Variants in LPP observed in about 807,000 individuals in gnomAD.
The protein encoded by LPP is lipoma-preferred partner.
LPP carries 38 observed loss-of-function variants against 60.4 expected under a neutral mutation model. The observed-to-expected ratio is 0.63, with a 90% CI of 0.49 to 0.83. The LOEUF is 0.83. Among genes scored for constraint, LPP ranks in the 40% least tolerant of loss-of-function variants. LPP has a pLI of 0.00. For synonymous variants in LPP, 328 were observed against 290.8 expected (o/e 1.13, Z -1.30); for missense variants, 902 against 783.6 (o/e 1.15, Z -1.80).
chr3:188,672,936 A>T (rs2149273721), intron 7 of LPP, among the ~76,000 whole-genome samples: 2 of 152,004 alleles, frequency 1.3e-5, no homozygotes, highest in East Asian at 3.9e-4. Context: ...TCCATTTCTA[A>T]GGAAAAAATT....
chr3:188,527,348 GAAAAA>G (rs57075465), intron 6 of LPP, among the ~76,000 whole-genome samples: 25 of 73,650 alleles, frequency 3.4e-4, no homozygotes, highest in Non-Finnish European at 5.3e-4. Context: ...GACTCCATCT[GAAAAA>G]AAAAAAAAAA....
intron 5 of LPP, among the ~76,000 whole-genome samples, chr3:188,507,297 G>C (rs1036310107): frequency 1.3e-5 from 2 of 152,094 alleles, no homozygotes; most frequent in African/African-American, 4.8e-5. Flanking sequence ...TCTGTATACT[G>C]ACTCAGGGTG....
chr3:188,324,195 A>G (rs1258967461), intron 2 of LPP, among the ~76,000 whole-genome samples: 1 of 152,126 alleles, frequency 6.6e-6, no homozygotes, highest in Non-Finnish European at 1.5e-5. Flanking sequence ...TCATTTAAGA[A>G]AGCTTAGAGG....
chr3:188,530,816 A>G (rs554163926), intron 6 of LPP, among the ~76,000 whole-genome samples: 1 of 152,224 alleles, frequency 6.6e-6, no homozygotes, highest in Admixed American at 6.5e-5. Flanking sequence ...ACGTTGTAAC[A>G]TCTTTAAGCT....
At chr3:188,413,100 T>C (rs1785271336) in intron 4 of LPP, among the ~76,000 whole-genome samples, 1 of 152,152 alleles carries the variant, frequency 6.6e-6, no homozygotes, top group Non-Finnish European at 1.5e-5. Context: ...CCATGTATCC[T>C]GGGTAGGCAG....
chr3:188,336,716 G>A (rs1761743798), intron 2 of LPP, among the ~76,000 whole-genome samples: 1 of 152,148 alleles, frequency 6.6e-6, no homozygotes, highest in African/African-American at 2.4e-5. Context: ...ACACTAAGCA[G>A]GTAGACCAGC....
intron 1 of LPP, among the ~76,000 whole-genome samples, chr3:188,221,363 G>A (rs945838452): frequency 6.6e-6 from 1 of 152,152 alleles, no homozygotes; most frequent in African/African-American, 2.4e-5. Context: ...TCTGTCTTTT[G>A]TGTTCCAGTG....
intron 2 of LPP, among the ~76,000 whole-genome samples, chr3:188,243,366 T>C (rs1282156040): frequency 1.3e-5 from 2 of 152,176 alleles, no homozygotes; most frequent in Non-Finnish European, 2.9e-5. Context: ...AAATTGGCAA[T>C]TCTTTTCCAT....
intron 2 of LPP, among the ~76,000 whole-genome samples, chr3:188,227,185 A>C (rs1026434251): frequency 4.6e-5 from 7 of 151,412 alleles, no homozygotes; most frequent in Admixed American, 2.0e-4. Flanking sequence ...TTTATTTTTT[A>C]TTTATTTATT....
At chr3:188,612,667 AT>A (rs958743164) in intron 7 of LPP, among the ~76,000 whole-genome samples, 2 of 152,020 alleles carry the variant, frequency 1.3e-5, no homozygotes, top group Non-Finnish European at 2.9e-5. Flanking sequence ...TTTATTTTTA[AT>A]TTTTTTTAGT....
rs1362281728 is a variant in LPP at position 188,336,916 on chromosome 3, G to C, written c.-66-4747G>C. Among the ~76,000 whole-genome samples, 8 of 152,110 alleles carry C rather than the reference G, an allele frequency of 5.3e-5. No individual in the cohort carries two copies. In the South Asian group the frequency reaches 1.2e-3, roughly 24 times the overall value. The stretch of plus-strand genomic sequence containing the variant: ...ATGCCACTTCAGCTCAGGCCTGGGG[G>C]ACATGACTTTTCTAGGCAGCCCAGG... On this transcript the variant is annotated intron_variant, in intron 2 of 11. Coordinates refer to ENST00000617246, the MANE Select transcript of LPP (RefSeq NM_001375462.1).
chr3:188,602,916 A>G (rs999476587), intron 6 of LPP, among the ~76,000 whole-genome samples: 2 of 151,736 alleles, frequency 1.3e-5, no homozygotes, highest in Non-Finnish European at 2.9e-5. Context: ...CTTCCTAGTG[A>G]TACTTACATT....
At chr3:188,700,209 C>T (rs566782649) in intron 7 of LPP, among the ~76,000 whole-genome samples, 3 of 152,194 alleles carry the variant, frequency 2.0e-5, no homozygotes, top group South Asian at 2.1e-4. Context: ...TGCCTTTTCC[C>T]GGTGTTTTAT....
chr3:188,407,768 G>GTTTTTTTTTTTTTT (rs760058728), intron 4 of LPP, among the ~76,000 whole-genome samples: 1 of 61,278 alleles, frequency 1.6e-5, no homozygotes, highest in African/African-American at 4.5e-5. Flanking sequence ...CTCATTTATG[G>GTTTTTTTTTTTTTT]TTTTTTTTTT....
intron 9 of LPP, among the ~76,000 whole-genome samples, chr3:188,862,732 T>A (rs200794497): frequency 0.39 from 27,999 of 72,524 alleles, 4,067 homozygotes; most frequent in East Asian, 0.66. Flanking sequence ...AATAAATAAA[T>A]AAATAAAAGA....
intron 2 of LPP, among the ~76,000 whole-genome samples, chr3:188,248,495 T>TATATATATATATATATAC (rs1358563921): frequency 3.6e-5 from 5 of 138,612 alleles, no homozygotes; most frequent in African/African-American, 1.4e-4. Flanking sequence ...TATATATATA[T>TATATATATATATATATAC]ATACAGTCAG....
chr3:188,381,192 A>C (rs1578478419), intron 3 of LPP, among the ~76,000 whole-genome samples: 1 of 112,760 alleles, frequency 8.9e-6, no homozygotes, highest in African/African-American at 2.9e-5. Context: ...CACGAATGCA[A>C]ACACCAAAGT....
chr3:188,470,319 C>CACACACACAA (rs138685539), intron 4 of LPP, among the ~76,000 whole-genome samples: 2 of 148,874 alleles, frequency 1.3e-5, no homozygotes, highest in African/African-American at 2.5e-5. Context: ...CACACACACA[C>CACACACACAA]GCACACATAA....
intron 3 of LPP, among the ~76,000 whole-genome samples, chr3:188,397,430 A>C (rs1781210170): frequency 6.6e-6 from 1 of 152,138 alleles, no homozygotes; most frequent in African/African-American, 2.4e-5. Flanking sequence ...TGACTGATAG[A>C]AACTGTGGCA....
Sources: gnomAD v4.1 joint callset for allele counts (sites outside exome capture counted in the v4.1 genomes callset) on GRCh38, gnomAD v4.1.1 for gene constraint, MANE v1.5 for transcripts, NCBI Gene and HGNC (gene_info 2026-07-23, HGNC 2026-07-21) for gene names.